Variants in SSBP2 observed in about 807,000 individuals in gnomAD.
SSBP2 encodes single stranded DNA binding protein 2.
Under a neutral mutation model 61.8 loss-of-function variants are expected in SSBP2, and 17 were observed. The ratio of observed to expected loss-of-function variants is 0.28; its 90% CI spans 0.19 to 0.41. SSBP2 has a LOEUF of 0.41. Among genes scored for constraint, SSBP2 ranks in the 10% least tolerant of loss-of-function variants. SSBP2 has a pLI of 1.00. For synonymous variants in SSBP2, 139 were observed against 141.3 expected (o/e 0.98, Z 0.12); for missense variants, 310 against 458.7 (o/e 0.68, Z 2.96).
intron 4 of SSBP2, among the ~76,000 whole-genome samples, chr5:81,596,050 C>T (rs1047429210): frequency 3.9e-5 from 6 of 152,188 alleles, no homozygotes; most frequent in Non-Finnish European, 8.8e-5. Context: ...GTCAAATTGT[C>T]CCTGTTTGCA....
chr5:81,575,086 G>A (rs764752428), intron 4 of SSBP2, among the ~76,000 whole-genome samples: 112 of 152,124 alleles, frequency 7.4e-4, no homozygotes, highest in Non-Finnish European at 1.4e-3. Flanking sequence ...TGGCCAACAT[G>A]GTGAAACCCC....
chr5:81,731,654 C>T (rs1229006652), intron 1 of SSBP2, among the ~76,000 whole-genome samples: 2 of 151,968 alleles, frequency 1.3e-5, no homozygotes, highest in Non-Finnish European at 2.9e-5. Context: ...GATTATCATC[C>T]ATGTTAAAAG....
intron 4 of SSBP2, among the ~76,000 whole-genome samples, chr5:81,610,708 C>A (rs1230850667): frequency 6.6e-6 from 1 of 152,068 alleles, no homozygotes; most frequent in African/African-American, 2.4e-5. Context: ...AAATAGATAA[C>A]CTAGGCCAGG....
At chr5:81,576,357 T>C (rs1389207462) in intron 4 of SSBP2, among the ~76,000 whole-genome samples, 1 of 152,172 alleles carries the variant, frequency 6.6e-6, no homozygotes, top group African/African-American at 2.4e-5. Flanking sequence ...TATCATAACT[T>C]ACATATAACA....
intron 10 of SSBP2, among the ~76,000 whole-genome samples, chr5:81,457,793 T>C (rs1449309753): frequency 1.3e-5 from 2 of 152,054 alleles, no homozygotes; most frequent in Admixed American, 6.6e-5. Flanking sequence ...CCTGAGTAGC[T>C]GGAATTATAG....
At chr5:81,718,747 A>G in intron 1 of SSBP2, among the ~76,000 whole-genome samples, 1 of 152,334 alleles carries the variant, frequency 6.6e-6, no homozygotes, top group African/African-American at 2.4e-5. Flanking sequence ...ATTTATCAAT[A>G]TTCAATGAGA....
chr5:81,640,172 T>C (rs1458909137), intron 2 of SSBP2, among the ~76,000 whole-genome samples: 1 of 152,060 alleles, frequency 6.6e-6, no homozygotes, highest in Non-Finnish European at 1.5e-5. Context: ...AAACCCCATC[T>C]CTACTAAAAA....
intron 1 of SSBP2, among the ~76,000 whole-genome samples, chr5:81,721,485 G>A (rs776290469): frequency 5.9e-5 from 9 of 152,194 alleles, no homozygotes; most frequent in Middle Eastern, 3.4e-3. Flanking sequence ...CTAAGGTTAC[G>A]TTCCAACCAA....
chr5:81,450,498 G>A (rs760961325), intron 10 of SSBP2, among the ~76,000 whole-genome samples: 3 of 152,092 alleles, frequency 2.0e-5, no homozygotes, highest in Non-Finnish European at 4.4e-5. Context: ...TTAGCCTTTA[G>A]ATATTTGGAA....
chr5:81,722,674 T>A (rs1175465193), intron 1 of SSBP2, among the ~76,000 whole-genome samples: 1 of 152,028 alleles, frequency 6.6e-6, no homozygotes, highest in Non-Finnish European at 1.5e-5. Context: ...CCTCATCATA[T>A]GATGTTAGTA....
chr5:81,554,060 A>T (rs780914620), intron 4 of SSBP2, among the ~76,000 whole-genome samples: 6 of 152,114 alleles, frequency 3.9e-5, no homozygotes, highest in South Asian at 2.1e-4. Flanking sequence ...CATTAATTTT[A>T]AAAAAAGAGA....
intron 5 of SSBP2, among the ~76,000 whole-genome samples, chr5:81,511,378 T>C (rs751524230): frequency 1.2e-4 from 19 of 152,156 alleles, no homozygotes; most frequent in Non-Finnish European, 2.6e-4. Flanking sequence ...ATCCACCGTT[T>C]AGTATGAATT....
chr5:81,684,615 T>C (rs1296704873), intron 1 of SSBP2, among the ~76,000 whole-genome samples: 1 of 152,180 alleles, frequency 6.6e-6, no homozygotes, highest in Non-Finnish European at 1.5e-5. Context: ...CTACTGGGTT[T>C]TATACATGCA....
At chr5:81,727,734 A>T (rs1434510834) in intron 1 of SSBP2, among the ~76,000 whole-genome samples, 1 of 152,244 alleles carries the variant, frequency 6.6e-6, no homozygotes, top group Non-Finnish European at 1.5e-5. Flanking sequence ...TGCTCATTCA[A>T]TAAATATTTA....
chr5:81,498,622 T>C (rs544998827), intron 5 of SSBP2, among the ~76,000 whole-genome samples: 2 of 152,102 alleles, frequency 1.3e-5, no homozygotes, highest in African/African-American at 2.4e-5. Flanking sequence ...GTAGTACTTA[T>C]TATTCATGAT....
At chr5:81,614,359 CAAAA>C (rs10659647) in intron 4 of SSBP2, among the ~76,000 whole-genome samples, 8 of 73,824 alleles carry the variant, frequency 1.1e-4, no homozygotes, top group Admixed American at 1.9e-4. Context: ...GACTCCGTCT[CAAAA>C]AAAAAAAAAA....
At chr5:81,544,486 C>T (rs866616293) in intron 4 of SSBP2, among the ~76,000 whole-genome samples, 67 of 152,230 alleles carry the variant, frequency 4.4e-4, no homozygotes, top group Non-Finnish European at 7.6e-4. Context: ...TCTTGAACTT[C>T]GCCTAAACAT....
intron 1 of SSBP2, among the ~76,000 whole-genome samples, chr5:81,719,816 G>A (rs981238698): frequency 6.6e-6 from 1 of 152,118 alleles, no homozygotes; most frequent in South Asian, 2.1e-4. Context: ...AAACAGTTTA[G>A]GACTGGCTGG....
chr5:81,623,331 CTTTTTTTTTTTT>C (rs35687529), intron 3 of SSBP2, among the ~76,000 whole-genome samples: 5 of 110,592 alleles, frequency 4.5e-5, no homozygotes, highest in Non-Finnish European at 7.3e-5. Flanking sequence ...CATTGTAGTA[CTTTTTTTTTTTT>C]TTTTTTTTTT....
Sources: gnomAD v4.1 joint callset for allele counts (sites outside exome capture counted in the v4.1 genomes callset) on GRCh38, gnomAD v4.1.1 for gene constraint, MANE v1.5 for transcripts, NCBI Gene and HGNC (gene_info 2026-07-23, HGNC 2026-07-21) for gene names.